Variants in GLIS1 observed in about 807,000 individuals in gnomAD.
The protein encoded by GLIS1 is GLIS family zinc finger 1.
GLIS1 carries 24 observed loss-of-function variants against 63.8 expected under a neutral mutation model. The observed-to-expected ratio is 0.38, with a 90% CI of 0.27 to 0.53. GLIS1 has a LOEUF of 0.53. Among genes scored for constraint, GLIS1 ranks in the 20% least tolerant of loss-of-function variants. The pLI, the probability that GLIS1 is intolerant of heterozygous loss-of-function variation, is 0.85. For synonymous variants in GLIS1, 450 were observed against 482.5 expected, an observed-to-expected ratio of 0.93 and a Z score of 0.88; for missense variants, 1,036 against 1,074.1, an observed-to-expected ratio of 0.96 and a Z score of 0.50.
intron 2 of GLIS1, among the ~76,000 whole-genome samples, chr1:53,715,875 A>G (rs1646693147): frequency 6.6e-6 from 1 of 152,112 alleles, no homozygotes; most frequent in Non-Finnish European, 1.5e-5. Flanking sequence ...CTGCAAACAG[A>G]AGTGGAGAAT....
At chr1:53,735,214 G>A (rs1209805001) in intron 2 of GLIS1, among the ~76,000 whole-genome samples, 2 of 152,164 alleles carry the variant, frequency 1.3e-5, no homozygotes, top group Non-Finnish European at 2.9e-5. Context: ...CCCCTGGCTA[G>A]CACACCACAG....
chr1:53,556,813 G>GGT lies in GLIS1; in HGVS notation c.1321-26863_1321-26862dup, dbSNP rs776989839. Among the ~76,000 whole-genome samples the GGT allele has an allele frequency of 6.6e-4, 97 of 147,768 alleles. 1 individual carries two copies. The highest frequency in any genetic ancestry group is 1.3e-3 in the Admixed American group (20 of 14,900). On this transcript the variant is annotated intron_variant, in intron 4 of 10. Coordinates refer to ENST00000628545, the MANE Select transcript of GLIS1 (RefSeq NM_001367484.1). ...TGTGTATGTGTGCAGGTATACTGCA[G>GGT]GTGTGTGTGTGCAGGTGTACTGCAG...
chr1:53,519,899 CG>C (rs2100290512), intron 7 of GLIS1, among the ~76,000 whole-genome samples: 2 of 152,328 alleles, frequency 1.3e-5, no homozygotes, highest in South Asian at 4.1e-4. Context: ...TTCCTCCCTG[CG>C]GATGATCCTG....
intron 2 of GLIS1, among the ~76,000 whole-genome samples, chr1:53,697,491 G>T (rs368196980): frequency 1.3e-5 from 2 of 152,266 alleles, no homozygotes; most frequent in South Asian, 2.1e-4. Flanking sequence ...TGTCTGTTCT[G>T]GGGCCTCCCC....
intron 7 of GLIS1, among the ~76,000 whole-genome samples, chr1:53,517,373 C>T (rs1183869720): frequency 6.6e-6 from 1 of 152,224 alleles, no homozygotes; most frequent in African/African-American, 2.4e-5. Context: ...ACCTCCCCAG[C>T]TTGGGGGAAG....
At chr1:53,512,107 A>G (rs1450670175) in intron 8 of GLIS1, among the ~76,000 whole-genome samples, 4 of 152,200 alleles carry the variant, frequency 2.6e-5, no homozygotes, top group Non-Finnish European at 2.9e-5. Flanking sequence ...GTCTCACTCC[A>G]CCATAAATTC....
Position 53,506,664 on chromosome 1 carries a change from A to G in GLIS1, c.2343T>C (p.Phe781=), listed in dbSNP as rs781532469. 1.2e-6 allele frequency: 2 copies of G among 1,613,490 alleles called. No individual in the cohort carries two copies. Among genetic ancestry groups the G allele is most frequent in the Non-Finnish European group, 1.7e-6 (2 of 1,179,962 alleles). ...AGGGGATGTGGCCCAGGCAGTGGTCAAAGGCTCCATTGGGGAAGAAGCCAC... is the reference window on the plus strand; with the variant it reads ...AGGGGATGTGGCCCAGGCAGTGGTCGAAGGCTCCATTGGGGAAGAAGCCAC... ...EDCGFFPNGA[F]DHCLGHIPSI... is the part of the protein sequence containing the mutation. Residue 781 remains phenylalanine, a synonymous_variant, in exon 11 of 11, where the codon TTT becomes TTC. Transcript: ENST00000628545.
chr1:53,584,488 C>G (rs1004896303), intron 4 of GLIS1, among the ~76,000 whole-genome samples: 2 of 152,198 alleles, frequency 1.3e-5, no homozygotes, highest in Non-Finnish European at 1.5e-5. Context: ...AAATCCTTCT[C>G]CCTCCTCTGT....
chr1:53,555,344 C>T (rs1396190094), intron 4 of GLIS1, among the ~76,000 whole-genome samples: 2 of 152,144 alleles, frequency 1.3e-5, no homozygotes, highest in Non-Finnish European at 2.9e-5. Flanking sequence ...TCCTGGCTAA[C>T]ACAGTGAAAC....
intron 4 of GLIS1, among the ~76,000 whole-genome samples, chr1:53,584,465 T>G (rs886408746): frequency 1.3e-5 from 2 of 152,214 alleles, no homozygotes; most frequent in Non-Finnish European, 2.9e-5. Context: ...CCAGCTCTCA[T>G]GACATCCTGA....
chr1:53,672,597 G>A lies in GLIS1; in HGVS notation c.259+65209C>T, dbSNP rs147679365. Among the ~76,000 whole-genome samples, 629 of 152,224 alleles carry A rather than the reference G, an allele frequency of 4.1e-3. 2 individuals carry two copies. The highest frequency in any genetic ancestry group is 6.2e-3 in the Non-Finnish European group (423 of 68,004). Reference sequence around the variant, plus strand: ...GTGAGTCTTGGAGCAGTCTCTAACCGCACAGAGCAGTGAGCTGGATTGACA... The same window carrying A: ...GTGAGTCTTGGAGCAGTCTCTAACCACACAGAGCAGTGAGCTGGATTGACA... On this transcript the variant is annotated intron_variant, in intron 2 of 10. Coordinates refer to ENST00000628545, the MANE Select transcript of GLIS1 (RefSeq NM_001367484.1).
At chr1:53,552,692 G>T (rs2100407742) in intron 4 of GLIS1, among the ~76,000 whole-genome samples, 1 of 152,168 alleles carries the variant, frequency 6.6e-6, no homozygotes, top group Non-Finnish European at 1.5e-5. Flanking sequence ...GGCTCCCCAG[G>T]GCTCCTCCAT....
intron 4 of GLIS1, among the ~76,000 whole-genome samples, chr1:53,575,171 C>T (rs374767673): frequency 1.9e-4 from 29 of 152,210 alleles, no homozygotes; most frequent in African/African-American, 6.0e-4. Flanking sequence ...TTATCAAGAA[C>T]GGAGCACAGA....
intron 2 of GLIS1, among the ~76,000 whole-genome samples, chr1:53,613,321 G>A (rs761999956): frequency 2.0e-5 from 3 of 152,094 alleles, no homozygotes; most frequent in African/African-American, 4.8e-5. Context: ...AACTCAAAAC[G>A]ACCATTTAAT....
intron 2 of GLIS1, among the ~76,000 whole-genome samples, chr1:53,664,855 C>CCAAGA (rs1646071017): frequency 6.6e-6 from 1 of 151,896 alleles, no homozygotes; most frequent in African/African-American, 2.4e-5. Flanking sequence ...TCTTGGGGGA[C>CCAAGA]AGTATTCCAG....
At chr1:53,690,241 C>T (rs184393287) in intron 2 of GLIS1, among the ~76,000 whole-genome samples, 4 of 152,242 alleles carry the variant, frequency 2.6e-5, no homozygotes, top group African/African-American at 4.8e-5. Flanking sequence ...CTCGGCACCA[C>T]GACACCGCAT....
intron 4 of GLIS1, among the ~76,000 whole-genome samples, chr1:53,546,032 T>C (rs1644694880): frequency 6.6e-6 from 1 of 152,236 alleles, no homozygotes; most frequent in Non-Finnish European, 1.5e-5. Flanking sequence ...GGGGACCAAC[T>C]TGCCGAAGGG....
In GLIS1 at chr1:53,632,940, T is replaced by A. The variant is rs80151577; in HGVS notation, c.260-32662A>T. The stretch of plus-strand genomic sequence containing the variant: ...TGTGAATGAGTGTGACTGAGGGGCA[T>A]GTGAATGTGACTGAGGGGCGTGTAT... On this transcript the variant is annotated intron_variant, in intron 2 of 10. Transcript: ENST00000628545. Among the ~76,000 whole-genome samples the A allele has an allele frequency of 1.5e-4, 22 of 143,248 alleles. No homozygotes were observed. In the East Asian group the frequency reaches 4.8e-3, roughly 31 times the overall value. The allele number at this position is 143,248 out of a possible 152,430, so 94.0% of individuals were successfully genotyped here.
At chr1:53,513,727 C>T (rs553635947) in intron 8 of GLIS1, among the ~76,000 whole-genome samples, 2 of 152,336 alleles carry the variant, frequency 1.3e-5, no homozygotes, top group East Asian at 3.9e-4. Flanking sequence ...CCAGGGCCTG[C>T]CCACAGGGGC....
Sources: allele counts gnomAD v4.1 joint callset (sites outside exome capture counted in the v4.1 genomes callset), GRCh38; gene constraint gnomAD v4.1.1; transcripts MANE v1.5; gene names NCBI Gene and HGNC (gene_info 2026-07-23, HGNC 2026-07-21).